Variants in SNAP47 observed in about 807,000 individuals in gnomAD.
The protein encoded by SNAP47 is synaptosomal-associated protein 47.
SNAP47 carries 20 observed loss-of-function variants against 31.4 expected under a neutral mutation model. That is an observed-to-expected ratio of 0.64 (90% confidence interval 0.45 to 0.93). The LOEUF is 0.93. Among genes scored for constraint, SNAP47 ranks in the 40% least tolerant of loss-of-function variants. The pLI, the probability that SNAP47 is intolerant of heterozygous loss-of-function variation, is 0.00. For missense variants in SNAP47, 492 were observed against 528.5 expected (o/e 0.93, Z 0.68); for synonymous variants, 194 against 213.4 (o/e 0.91, Z 0.79).
chr1:227,777,858 G>A (rs562870217), intron 4 of SNAP47, among the ~76,000 whole-genome samples: 24 of 152,312 alleles, frequency 1.6e-4, no homozygotes, highest in Middle Eastern at 3.4e-3. Context: ...GCGGTGACCC[G>A]GGATGTGGTC....
chr1:227,747,027 C>G (rs1291477981), intron 1 of SNAP47: 1 of 152,234 alleles, frequency 6.6e-6, no homozygotes, highest in African/African-American at 2.4e-5. Context: ...GATGTGAAAA[C>G]ATGATAGGAC....
chr1:227,749,183 G>C (rs1662178814), intron 2 of SNAP47, among the ~76,000 whole-genome samples: 1 of 152,234 alleles, frequency 6.6e-6, no homozygotes, highest in Admixed American at 6.5e-5. Context: ...TTTTCAAGGT[G>C]CTTGTTTATT....
At chr1:227,775,788 G>C in intron 4 of SNAP47, 3 of 1,303,916 alleles carry the variant, frequency 2.3e-6, no homozygotes, top group Non-Finnish European at 3.0e-6. Context: ...TTGCTCTGCA[G>C]GGCTTCCGGC....
upstream of SNAP47, chr1:227,730,544 C>A (rs574785884): frequency 1.3e-5 from 2 of 152,290 alleles, no homozygotes; most frequent in Admixed American, 6.5e-5. Context: ...CTATCTCCCC[C>A]CACAGAGCTT....
chr1:227,734,124 C>G, upstream of SNAP47: 1 of 1,429,182 alleles, frequency 7.0e-7, no homozygotes, highest in Middle Eastern at 2.5e-4. Flanking sequence ...CAATCGGCTC[C>G]AGTGGAGCTT....
Position 227,747,881 on chromosome 1 carries a change from C to A in SNAP47, c.145C>A (p.Pro49Thr), listed in dbSNP as rs544590913. The A allele has an allele frequency of 1.2e-6, 2 of 1,614,174 alleles. No homozygotes were observed. The highest frequency in any genetic ancestry group is 3.3e-5 in the Admixed American group (2 of 60,022). Residue 49 changes from proline to threonine, a missense_variant, in exon 2 of 5, where the codon CCC (proline) becomes ACC (threonine). Physicochemically the swap from Pro to Thr is conservative, Grantham distance 38. Coordinates refer to ENST00000617596, the MANE Select transcript of SNAP47 (RefSeq NM_053052.4). Reference sequence around the variant, plus strand: ...CACTGGAGAGATTCTGGTCAGCTTCCCCCTCTCCAGCATAGTTGAGATCAA... The same window carrying A: ...CACTGGAGAGATTCTGGTCAGCTTCACCCTCTCCAGCATAGTTGAGATCAA... Reference protein sequence around the residue: ...DSTGEILVSFPLSSIVEIKKE... With the variant: ...DSTGEILVSFTLSSIVEIKKE...
At chr1:227,752,814 C>A (rs1436654820) in intron 2 of SNAP47, among the ~76,000 whole-genome samples, 1 of 151,462 alleles carries the variant, frequency 6.6e-6, no homozygotes, top group Non-Finnish European at 1.5e-5. Flanking sequence ...ATGATTAAAG[C>A]ACCCTTGTGA....
intron 1 of SNAP47, among the ~76,000 whole-genome samples, chr1:227,737,408 G>A (rs114817028): frequency 6.6e-6 from 1 of 152,164 alleles, no homozygotes; most frequent in Non-Finnish European, 1.5e-5. Flanking sequence ...ACAGTGCGAG[G>A]CCTTTGAGTT....
At chr1:227,751,982 G>A (rs1021116229) in intron 2 of SNAP47, among the ~76,000 whole-genome samples, 12 of 151,890 alleles carry the variant, frequency 7.9e-5, no homozygotes, top group African/African-American at 2.9e-4. Flanking sequence ...AACCAGGATG[G>A]TTTCAATCTC....
chr1:227,748,541 C>T (rs1389672907), intron 2 of SNAP47, among the ~76,000 whole-genome samples: 1 of 152,240 alleles, frequency 6.6e-6, no homozygotes, highest in Non-Finnish European at 1.5e-5. Flanking sequence ...ACCCAGCAAG[C>T]AGAGACTGTG....
intron 4 of SNAP47, among the ~76,000 whole-genome samples, chr1:227,767,463 G>A (rs764609555): frequency 6.6e-6 from 1 of 152,200 alleles, no homozygotes; most frequent in African/African-American, 2.4e-5. Flanking sequence ...GCATTTGTGT[G>A]TAGTATGTGT....
At chr1:227,742,257 C>T (rs929636271) in intron 1 of SNAP47, among the ~76,000 whole-genome samples, 5 of 152,008 alleles carry the variant, frequency 3.3e-5, no homozygotes, top group South Asian at 2.1e-4. Context: ...TTCAATTAGA[C>T]GGAATTTCAC....
At chr1:227,733,219 C>T, upstream of SNAP47, 1 of 853,118 alleles carries the variant, frequency 1.2e-6, no homozygotes, top group Non-Finnish European at 1.8e-6. Context: ...ACAGTGAACC[C>T]AGAGCAAGTA....
chr1:227,733,936 G>A (rs766933897), upstream of SNAP47: 7 of 1,613,808 alleles, frequency 4.3e-6, no homozygotes, highest in Admixed American at 1.7e-5. Context: ...CGTAGACAAA[G>A]CGGTAGTCAT....
chr1:227,766,890 CATCCAG>C, intron 3 of SNAP47, 63 bp from the exon 4 acceptor site: 3 of 1,586,786 alleles, frequency 1.9e-6, no homozygotes, highest in Non-Finnish European at 2.6e-6. Flanking sequence ...CACGCTCTGC[CATCCAG>C]AGCACACGAG....
chr1:227,771,942 A>C (rs1196070625), intron 4 of SNAP47, among the ~76,000 whole-genome samples: 4 of 152,118 alleles, frequency 2.6e-5, no homozygotes. Context: ...GGAGGCCAGC[A>C]CCTGACAAGC....
chr1:227,778,913 T>C (rs905442129), intron 4 of SNAP47, among the ~76,000 whole-genome samples: 43 of 152,328 alleles, frequency 2.8e-4, no homozygotes, highest in African/African-American at 8.9e-4. Context: ...GGGGCTCTAG[T>C]CAGGCATTTA....
chr1:227,738,957 C>T (rs540903296), intron 1 of SNAP47, among the ~76,000 whole-genome samples: 3 of 152,150 alleles, frequency 2.0e-5, no homozygotes, highest in African/African-American at 7.2e-5. Flanking sequence ...AGATGGAACT[C>T]TGTGGTTTAG....
rs529325880 is a variant in SNAP47, at chr1:227,741,928, A to G, written c.-45-5764A>G. 6.6e-6 allele frequency among the ~76,000 whole-genome samples: 1 copy of G among 152,186 alleles called. No individual in the cohort carries two copies. The highest frequency in any genetic ancestry group is 2.4e-5 in the African/African-American group (1 of 41,522). ...TCCTGGGCTGTTGTCAAACTTGAAT[A>G]CTTTCCTTATATTTATTGTTTAAAA... On this transcript the variant is annotated intron_variant, in intron 1 of 4. Transcript: ENST00000617596. The surrounding 1 kb of genome is among the most constrained non-coding windows in gnomAD (Gnocchi z 4.2).
Sources: gnomAD v4.1 joint callset for allele counts (sites outside exome capture counted in the v4.1 genomes callset) on GRCh38, gnomAD v4.1.1 for gene constraint, Gnocchi (gnomAD v3.1) non-coding constraint, MANE v1.5 for transcripts, NCBI Gene and HGNC (gene_info 2026-07-23, HGNC 2026-07-21) for gene names.